COL22A1: variants seen among roughly 807,000 people sequenced by gnomAD.
COL22A1 encodes collagen type XXII alpha 1 chain, also known as collagen alpha-1(XXII) chain.
In COL22A1, 221 loss-of-function variants were observed where a neutral mutation model predicts 248.9. The observed-to-expected ratio is 0.89, with a 90% CI of 0.80 to 0.99. The LOEUF (loss-of-function observed/expected upper bound fraction) is 0.99. Ranked by LOEUF, COL22A1 falls within the 50% of genes least tolerant of loss-of-function variation. COL22A1 has a pLI of 0.00. For synonymous variants in COL22A1, 891 were observed against 793.4 expected (o/e 1.12, Z -2.07); for missense variants, 2,240 against 2,179.0 (o/e 1.03, Z -0.56).
At chr8:138,719,116 A>T (rs1368566770) in intron 27 of COL22A1, among the ~76,000 whole-genome samples, 1 of 152,236 alleles carries the variant, frequency 6.6e-6, no homozygotes, top group Non-Finnish European at 1.5e-5. Flanking sequence ...CAGCAAACCT[A>T]GATAAATGCT....
chr8:138,784,744 C>G (rs1815361588), intron 12 of COL22A1, among the ~76,000 whole-genome samples: 5 of 152,106 alleles, frequency 3.3e-5, no homozygotes, highest in Admixed American at 3.3e-4. Context: ...CAACGCCTCC[C>G]CACAACAGTT....
At chr8:138,622,242 C>A (rs751142675) in intron 52 of COL22A1, among the ~76,000 whole-genome samples, 7 of 152,158 alleles carry the variant, frequency 4.6e-5, no homozygotes, top group Non-Finnish European at 1.0e-4. Context: ...AAGCCTGATG[C>A]ATCTGACACA....
At chr8:138,794,920 A>C (rs184840219) in intron 12 of COL22A1, among the ~76,000 whole-genome samples, 1 of 152,242 alleles carries the variant, frequency 6.6e-6, no homozygotes, top group African/African-American at 2.4e-5. Context: ...GGAAATGGGG[A>C]GATGCCAATT....
At chr8:138,890,292 G>T (rs573535973) in intron 1 of COL22A1, among the ~76,000 whole-genome samples, 183 of 152,278 alleles carry the variant, frequency 1.2e-3, no homozygotes, top group African/African-American at 4.2e-3. Context: ...AATGGTGAAA[G>T]ACTGAAAGTT....
chr8:138,636,532 A>AAAGGAAAGGAAAGGCAAGGC lies in COL22A1; in HGVS notation c.3555+209_3555+210insGCCTTGCCTTTCCTTTCCTT, dbSNP rs59983327. 2.5e-3 allele frequency among the ~76,000 whole-genome samples: 207 copies of AAAGGAAAGGAAAGGCAAGGC among 81,234 alleles called. 19 individuals are homozygous for AAAGGAAAGGAAAGGCAAGGC. Among genetic ancestry groups the AAAGGAAAGGAAAGGCAAGGC allele is most frequent in the East Asian group, 3.6e-3 (9 of 2,488 alleles). 53.3% of individuals were successfully genotyped at this position (81,234 alleles called of 152,430 possible). A position where few individuals can be genotyped will look rare whatever the true frequency, so the allele number is the denominator to read the frequency against. On this transcript the variant is annotated intron_variant, in intron 48 of 64. Transcript: ENST00000303045. ...AAAGGAAAGGAAAGGAAAGGAAAGG[A>AAAGGAAAGGAAAGGCAAGGC]AAGGCAGGGAGGCTTCTCCAATAAT...
At chr8:138,884,050 A>G (rs543773561) in intron 1 of COL22A1, among the ~76,000 whole-genome samples, 160 of 152,256 alleles carry the variant, frequency 1.1e-3, no homozygotes, top group African/African-American at 3.7e-3. Context: ...CACAGGTTCC[A>G]GGTGTACCAC....
At chr8:138,685,600 T>C (rs1320720234) in intron 37 of COL22A1, among the ~76,000 whole-genome samples, 3 of 152,152 alleles carry the variant, frequency 2.0e-5, no homozygotes, top group Non-Finnish European at 2.9e-5. Context: ...CCAATGGTCC[T>C]AATCCAATAT....
chr8:138,656,702 T>A (rs570312979), intron 44 of COL22A1, among the ~76,000 whole-genome samples: 36 of 152,304 alleles, frequency 2.4e-4, no homozygotes, highest in African/African-American at 7.0e-4. Context: ...AAGAAGGGAT[T>A]CTTAGGTAAG....
intron 16 of COL22A1, among the ~76,000 whole-genome samples, chr8:138,768,203 A>C (rs1476596347): frequency 1.3e-5 from 2 of 151,974 alleles, no homozygotes; most frequent in Non-Finnish European, 2.9e-5. Flanking sequence ...CCAGCCCCCC[A>C]TGGTTCCCAT....
intron 7 of COL22A1, among the ~76,000 whole-genome samples, chr8:138,818,953 G>A (rs369685217): frequency 6.6e-6 from 1 of 152,136 alleles, no homozygotes; most frequent in African/African-American, 2.4e-5. Context: ...TGTGACGTGG[G>A]CGATGGTGTT....
rs201342536 is a variant in COL22A1, at chr8:138,606,368, G to T, written c.4104+13C>A. 8.7e-6 allele frequency: 14 copies of T among 1,609,552 alleles called. No homozygotes were observed. In the East Asian group the frequency reaches 2.7e-4, roughly 31 times the overall value. On this transcript the variant is annotated intron_variant, in intron 58 of 64. Transcript: ENST00000303045. Reference sequence around the variant, plus strand: ...GCCAGGTATCTTGGGCCCCACTGGGGTTCTCTGCTTACCGGAGGCCCACGG... The same window carrying T: ...GCCAGGTATCTTGGGCCCCACTGGGTTTCTCTGCTTACCGGAGGCCCACGG...
chr8:138,613,001 T>C (rs975695534), intron 56 of COL22A1, among the ~76,000 whole-genome samples: 6 of 121,994 alleles, frequency 4.9e-5, no homozygotes, highest in Non-Finnish European at 1.0e-4. Flanking sequence ...GTAATCCCAA[T>C]ACTTTGGGAG....
chr8:138,594,413 A>G (rs1439988725), intron 62 of COL22A1, among the ~76,000 whole-genome samples: 1 of 152,164 alleles, frequency 6.6e-6, no homozygotes, highest in African/African-American at 2.4e-5. Context: ...CATGTGCAGC[A>G]TTTGTATGGG....
intron 10 of COL22A1, among the ~76,000 whole-genome samples, chr8:138,807,498 G>A (rs1210191734): frequency 2.0e-5 from 3 of 152,232 alleles, no homozygotes; most frequent in Non-Finnish European, 2.9e-5. Flanking sequence ...AGTTGAGCGT[G>A]TTGGAGCAAA....
chr8:138,714,231 G>A (rs907523241), intron 30 of COL22A1, among the ~76,000 whole-genome samples: 3 of 152,204 alleles, frequency 2.0e-5, no homozygotes, highest in African/African-American at 7.2e-5. Flanking sequence ...TAGGTTAGGC[G>A]TGTATCAAAA....
chr8:138,684,490 A>T, intron 38 of COL22A1, 21 bp from the exon 39 acceptor site: 1 of 1,589,372 alleles, frequency 6.3e-7, no homozygotes, highest in Non-Finnish European at 8.6e-7. Flanking sequence ...AAATAATACA[A>T]GGACAATCAT....
At chr8:138,737,213 C>A (rs1375196165) in intron 23 of COL22A1, among the ~76,000 whole-genome samples, 1 of 152,214 alleles carries the variant, frequency 6.6e-6, no homozygotes, top group East Asian at 1.9e-4. Context: ...GATTTCCCCA[C>A]CACCTCGTCC....
At chr8:138,856,728 A>T (rs1822053844) in intron 3 of COL22A1, among the ~76,000 whole-genome samples, 1 of 152,180 alleles carries the variant, frequency 6.6e-6, no homozygotes, top group African/African-American at 2.4e-5. Context: ...AGTGAGAGAG[A>T]CAGAGAGAGG....
intron 45 of COL22A1, among the ~76,000 whole-genome samples, chr8:138,652,717 T>G (rs2130583556): frequency 6.7e-6 from 1 of 148,488 alleles, no homozygotes; most frequent in East Asian, 2.1e-4. Context: ...GTCTAAAATA[T>G]TTTCTTTTCC....
Sources: allele counts gnomAD v4.1 joint callset (sites outside exome capture counted in the v4.1 genomes callset), GRCh38; gene constraint gnomAD v4.1.1; transcripts MANE v1.5; gene names NCBI Gene and HGNC (gene_info 2026-07-23, HGNC 2026-07-21).